The following COL21A1 variants were observed in gnomAD, a reference collection of about 807,000 sequenced individuals.
The protein encoded by COL21A1 is collagen alpha-1(XXI) chain.
In COL21A1, 149 loss-of-function variants were observed where a neutral mutation model predicts 137.9. That is an observed-to-expected ratio of 1.08 (90% CI 0.95 to 1.24). COL21A1 has a LOEUF of 1.24. COL21A1 is among the 50% of genes most tolerant of loss of function. COL21A1 has a pLI of 0.00. For synonymous variants in COL21A1, 456 were observed against 391.5 expected (o/e 1.16, Z -1.95); for missense variants, 1,167 against 1,158.4 (o/e 1.01, Z -0.11).
intron 1 of COL21A1, among the ~76,000 whole-genome samples, chr6:56,200,249 C>G (rs1327147419): frequency 6.6e-6 from 1 of 152,132 alleles, no homozygotes; most frequent in African/African-American, 2.4e-5. Flanking sequence ...AATTGTTTTT[C>G]CTAAATGCGA....
chr6:56,383,042 C>T (rs2094011431), intron 1 of COL21A1, among the ~76,000 whole-genome samples: 1 of 152,218 alleles, frequency 6.6e-6, no homozygotes, highest in Non-Finnish European at 1.5e-5. Flanking sequence ...TTTCTAACCA[C>T]TGTTCCCTTG....
At chr6:56,388,329 A>C (rs2094022570) in intron 1 of COL21A1, among the ~76,000 whole-genome samples, 1 of 152,224 alleles carries the variant, frequency 6.6e-6, no homozygotes, top group Non-Finnish European at 1.5e-5. Flanking sequence ...GGTGTAACCC[A>C]GCACAGTGCC....
At chr6:56,149,038 G>T (rs1054043891) in intron 10 of COL21A1, among the ~76,000 whole-genome samples, 1 of 152,176 alleles carries the variant, frequency 6.6e-6, no homozygotes, top group Non-Finnish European at 1.5e-5. Context: ...CTTTTAGGCA[G>T]CCCTATTACA....
At chr6:56,106,088 C>A (rs542180659) in intron 16 of COL21A1, among the ~76,000 whole-genome samples, 1 of 152,176 alleles carries the variant, frequency 6.6e-6, no homozygotes, top group Non-Finnish European at 1.5e-5. Context: ...GACTTCAATG[C>A]AACTTCTATA....
chr6:56,191,834 G>A (rs1036880714), intron 1 of COL21A1, among the ~76,000 whole-genome samples: 1 of 151,560 alleles, frequency 6.6e-6, no homozygotes, highest in African/African-American at 2.4e-5. Context: ...TTTCTTCACG[G>A]AACTGGAAAA....
chr6:56,092,455 A>T (rs555227283), intron 17 of COL21A1, among the ~76,000 whole-genome samples: 2 of 152,290 alleles, frequency 1.3e-5, no homozygotes, highest in Admixed American at 6.5e-5. Flanking sequence ...TAACACAGAG[A>T]AGAAATATGG....
At chr6:56,116,845 T>TA (rs1399174123) in intron 16 of COL21A1, among the ~76,000 whole-genome samples, 1 of 152,120 alleles carries the variant, frequency 6.6e-6, no homozygotes, top group Non-Finnish European at 1.5e-5. Context: ...AGTTTTCTTT[T>TA]TGCTTGTTTG....
chr6:56,324,989 A>G (rs1022101806), intron 1 of COL21A1, among the ~76,000 whole-genome samples: 6 of 151,366 alleles, frequency 4.0e-5, no homozygotes, highest in Non-Finnish European at 8.8e-5. Context: ...GAACAAACAG[A>G]TCTTGCCAAG....
At chr6:56,267,464 G>A (rs1763417592) in intron 1 of COL21A1, among the ~76,000 whole-genome samples, 1 of 152,164 alleles carries the variant, frequency 6.6e-6, no homozygotes, top group Non-Finnish European at 1.5e-5. Flanking sequence ...CAGTTTAGAA[G>A]AGAGCCTCCT....
intron 12 of COL21A1, among the ~76,000 whole-genome samples, 192 bp downstream of exon 12, chr6:56,141,593 T>A (rs1774413212): frequency 6.6e-6 from 1 of 152,196 alleles, no homozygotes; most frequent in East Asian, 1.9e-4. Flanking sequence ...TTGATAGTGG[T>A]CAATGATAAC....
chr6:56,286,808 T>A (rs1763924145), intron 1 of COL21A1, among the ~76,000 whole-genome samples: 1 of 152,140 alleles, frequency 6.6e-6, no homozygotes, highest in East Asian at 1.9e-4. Context: ...GATATACAAG[T>A]ATGAGAAGGG....
intron 3 of COL21A1, among the ~76,000 whole-genome samples, chr6:56,179,363 T>C (rs1777723260): frequency 6.6e-6 from 1 of 152,128 alleles, no homozygotes; most frequent in South Asian, 2.1e-4. Context: ...TTGTAACTTA[T>C]TTCTAAAAAC....
intron 17 of COL21A1, among the ~76,000 whole-genome samples, chr6:56,085,169 G>A (rs1237513370): frequency 6.6e-6 from 1 of 151,792 alleles, no homozygotes; most frequent in African/African-American, 2.4e-5. Flanking sequence ...ATTACAGATT[G>A]TTACTTTTGT....
intron 6 of COL21A1, among the ~76,000 whole-genome samples, chr6:56,167,865 T>A (rs1362852940): frequency 6.6e-5 from 10 of 152,164 alleles, no homozygotes; most frequent in Admixed American, 6.5e-4. Context: ...GAAATTAATG[T>A]TTCCTAGAAA....
intron 16 of COL21A1, among the ~76,000 whole-genome samples, chr6:56,117,875 C>A (rs1238979747): frequency 6.6e-6 from 1 of 151,770 alleles, no homozygotes; most frequent in East Asian, 1.9e-4. Context: ...TGAAAAAATT[C>A]TTGAAGCAAG....
chr6:56,279,697 C>T (rs1405550318), intron 1 of COL21A1, among the ~76,000 whole-genome samples: 1 of 152,174 alleles, frequency 6.6e-6, no homozygotes, highest in Non-Finnish European at 1.5e-5. Flanking sequence ...TTAAATGAGT[C>T]TTTGTGAATG....
At chr6:56,218,646 C>T (rs143562670) in intron 1 of COL21A1, among the ~76,000 whole-genome samples, 5 of 151,988 alleles carry the variant, frequency 3.3e-5, no homozygotes, top group African/African-American at 1.2e-4. Context: ...GCTCATTTTA[C>T]ATTTATTTTA....
chr6:56,352,592 G>T (rs905858732), intron 1 of COL21A1, among the ~76,000 whole-genome samples: 1 of 152,074 alleles, frequency 6.6e-6, no homozygotes, highest in Non-Finnish European at 1.5e-5. Flanking sequence ...ATGAAAATTT[G>T]TATAGTAAAT....
upstream of COL21A1, among the ~76,000 whole-genome samples, chr6:56,248,526 T>A (rs1236944907): frequency 1.3e-5 from 2 of 152,212 alleles, no homozygotes; most frequent in African/African-American, 4.8e-5. Flanking sequence ...ATTGCTTGTG[T>A]GTGTTTCCTA....
Sources: gnomAD v4.1 joint callset for allele counts (sites outside exome capture counted in the v4.1 genomes callset) on GRCh38, gnomAD v4.1.1 for gene constraint, MANE v1.5 for transcripts, NCBI Gene and HGNC (gene_info 2026-07-23, HGNC 2026-07-21) for gene names.